Variants in GRID2 observed in about 807,000 individuals in gnomAD.
GRID2 encodes glutamate receptor ionotropic, delta-2.
GRID2 carries 33 observed loss-of-function variants against 114.8 expected under a neutral mutation model. The observed-to-expected ratio is 0.29, with a 90% CI of 0.22 to 0.38. The LOEUF (loss-of-function observed/expected upper bound fraction) is 0.38. GRID2 is among the 10% of genes least tolerant of loss of function. The pLI is 1.00. For synonymous variants in GRID2, 505 were observed against 449.9 expected (o/e 1.12, Z -1.55); for missense variants, 1,184 against 1,257.7 (o/e 0.94, Z 0.89).
At chr4:93,000,927 T>C (rs1426282906) in intron 2 of GRID2, among the ~76,000 whole-genome samples, 2 of 151,446 alleles carry the variant, frequency 1.3e-5, no homozygotes, top group Non-Finnish European at 3.0e-5. Flanking sequence ...ACCATGTAAC[T>C]AAATATACCC....
intron 13 of GRID2, among the ~76,000 whole-genome samples, chr4:93,597,421 G>A (rs1164992408): frequency 1.3e-5 from 2 of 152,178 alleles, no homozygotes; most frequent in Non-Finnish European, 2.9e-5. Context: ...CAGGGAAACA[G>A]AATGCAAGAG....
At chr4:93,137,717 C>T (rs1735391914) in intron 4 of GRID2, among the ~76,000 whole-genome samples, 1 of 151,984 alleles carries the variant, frequency 6.6e-6, no homozygotes, top group African/African-American at 2.4e-5. Flanking sequence ...CTCCATGAAA[C>T]TGAAAATATC....
At chr4:92,740,829 C>T (rs1270506255) in intron 2 of GRID2, among the ~76,000 whole-genome samples, 2 of 152,096 alleles carry the variant, frequency 1.3e-5, no homozygotes, top group Admixed American at 6.6e-5. Context: ...TCACTGCAAC[C>T]TCCGCCTCCT....
intron 13 of GRID2, among the ~76,000 whole-genome samples, chr4:93,625,757 T>C (rs907815806): frequency 1.3e-5 from 2 of 151,744 alleles, no homozygotes; most frequent in Middle Eastern, 3.2e-3. Flanking sequence ...CTACTAAAAA[T>C]ACAAAAAATT....
chr4:93,410,659 C>T (rs1767027724), intron 9 of GRID2, among the ~76,000 whole-genome samples: 1 of 152,236 alleles, frequency 6.6e-6, no homozygotes, highest in South Asian at 2.1e-4. Context: ...TCTAGGCTCA[C>T]TGCAACCTCC....
intron 1 of GRID2, among the ~76,000 whole-genome samples, chr4:92,305,740 C>A (rs1725367804): frequency 1.3e-5 from 2 of 152,172 alleles, no homozygotes; most frequent in Admixed American, 6.5e-5. Flanking sequence ...ACAGCGCTCG[C>A]AGCTTCAGGC....
chr4:93,535,587 A>G (rs902611442), intron 13 of GRID2, among the ~76,000 whole-genome samples: 2 of 151,846 alleles, frequency 1.3e-5, no homozygotes, highest in Non-Finnish European at 2.9e-5. Context: ...TAATAATACC[A>G]ATTCTCACAG....
At chr4:93,527,956 T>C (rs1731076454) in intron 13 of GRID2, among the ~76,000 whole-genome samples, 1 of 152,050 alleles carries the variant, frequency 6.6e-6, no homozygotes, top group Admixed American at 6.6e-5. Flanking sequence ...TGTAATCACA[T>C]AGTAGTTGTC....
chr4:92,604,253 G>A (rs1729353075), intron 2 of GRID2, among the ~76,000 whole-genome samples: 1 of 152,122 alleles, frequency 6.6e-6, no homozygotes, highest in South Asian at 2.1e-4. Context: ...CTTCATTGCA[G>A]CAGTATTCAC....
intron 2 of GRID2, among the ~76,000 whole-genome samples, chr4:92,709,635 T>C (rs1404172039): frequency 6.7e-6 from 1 of 149,820 alleles, no homozygotes; most frequent in East Asian, 1.9e-4. Context: ...TCCATATATT[T>C]GCTTCTGAAT....
intron 2 of GRID2, among the ~76,000 whole-genome samples, chr4:92,654,100 G>A (rs1228338836): frequency 6.6e-6 from 1 of 151,988 alleles, no homozygotes; most frequent in Non-Finnish European, 1.5e-5. Flanking sequence ...GTGATCTTGG[G>A]TGGCTATAAC....
intron 2 of GRID2, among the ~76,000 whole-genome samples, chr4:92,929,456 T>C (rs1750064879): frequency 6.6e-6 from 1 of 151,376 alleles, no homozygotes; most frequent in African/African-American, 2.4e-5. Flanking sequence ...TTTTTCTAGT[T>C]GTTAGGTTAT....
chr4:92,817,871 A>G (rs763782939), intron 2 of GRID2, among the ~76,000 whole-genome samples: 118 of 152,144 alleles, frequency 7.8e-4, no homozygotes, highest in Admixed American at 1.2e-3. Context: ...TGTAAGTTCT[A>G]TGGCAATTTA....
At chr4:92,719,387 C>T (rs576471468) in intron 2 of GRID2, among the ~76,000 whole-genome samples, 1 of 152,132 alleles carries the variant, frequency 6.6e-6, no homozygotes, top group Non-Finnish European at 1.5e-5. Context: ...CCATTTATCT[C>T]TAATGGTTCC....
At chr4:93,317,628 T>C (rs994401420) in intron 8 of GRID2, among the ~76,000 whole-genome samples, 7 of 152,132 alleles carry the variant, frequency 4.6e-5, no homozygotes, top group African/African-American at 1.7e-4. Flanking sequence ...CTGCATTTAA[T>C]TTCCTGTTGT....
At chr4:93,233,319 T>C (rs1482029326) in intron 7 of GRID2, among the ~76,000 whole-genome samples, 1 of 107,226 alleles carries the variant, frequency 9.3e-6, no homozygotes, top group African/African-American at 3.1e-5. Flanking sequence ...GAAGGATTAT[T>C]ATTATTATTA....
At chr4:92,844,603 T>G (rs144200559) in intron 2 of GRID2, among the ~76,000 whole-genome samples, 2 of 151,462 alleles carry the variant, frequency 1.3e-5, no homozygotes, top group African/African-American at 4.8e-5. Flanking sequence ...ATGATCAGGA[T>G]TGATTGTAGC....
chr4:92,943,707 G>A (rs1751367581), intron 2 of GRID2, among the ~76,000 whole-genome samples: 1 of 152,082 alleles, frequency 6.6e-6, no homozygotes, highest in Admixed American at 6.5e-5. Context: ...CATCTTTGTG[G>A]TTTTGTCTAC....
chr4:92,738,990 A>G (rs1231378851), intron 2 of GRID2, among the ~76,000 whole-genome samples: 2 of 152,184 alleles, frequency 1.3e-5, no homozygotes, highest in Non-Finnish European at 2.9e-5. Context: ...ATAATTCAAC[A>G]TCATCCATTG....
Sources: gnomAD v4.1 joint callset for allele counts (sites outside exome capture counted in the v4.1 genomes callset) on GRCh38, gnomAD v4.1.1 for gene constraint, MANE v1.5 for transcripts, NCBI Gene and HGNC (gene_info 2026-07-23, HGNC 2026-07-21) for gene names.